LRP1B: variants seen among roughly 807,000 people sequenced by gnomAD.
LRP1B encodes low-density lipoprotein receptor-related protein 1B.
LRP1B carries 217 observed loss-of-function variants against 556.6 expected under a neutral mutation model. That is an observed-to-expected ratio of 0.39 (90% CI 0.35 to 0.44). The LOEUF (loss-of-function observed/expected upper bound fraction) is 0.44, where lower values mean the gene tolerates loss of function less well. Among genes scored for constraint, LRP1B ranks in the 20% least tolerant of loss-of-function variants. The probability of loss-of-function intolerance (pLI) is 1.00; values close to 1 mark genes in which losing one functional copy is unlikely to be tolerated. For synonymous variants in LRP1B, 2,047 were observed against 1,865.8 expected, an observed-to-expected ratio of 1.10 and a Z score of -2.50; for missense variants, 5,053 against 5,620.8, an observed-to-expected ratio of 0.90 and a Z score of 3.23.
chr2:140,817,621 A>C (rs1691170330), intron 31 of LRP1B, among the ~76,000 whole-genome samples: 1 of 151,986 alleles, frequency 6.6e-6, no homozygotes, highest in East Asian at 1.9e-4. Context: ...AAATAATGTA[A>C]TTTACCTACA....
chr2:140,827,557 A>T (rs1691552029), intron 31 of LRP1B, among the ~76,000 whole-genome samples: 1 of 152,032 alleles, frequency 6.6e-6, no homozygotes, highest in Non-Finnish European at 1.5e-5. Context: ...CTATCAGAAA[A>T]CATACAGTAA....
chr2:141,253,345 G>T (rs1390068769), intron 4 of LRP1B, among the ~76,000 whole-genome samples: 1 of 152,144 alleles, frequency 6.6e-6, no homozygotes, highest in Non-Finnish European at 1.5e-5. Flanking sequence ...AAATAAATAT[G>T]AGAGTTTGGC....
chr2:141,949,820 A>G lies in LRP1B; in HGVS notation c.83-139419T>C, dbSNP rs72986541. Among the ~76,000 whole-genome samples, 865 of 152,224 alleles carry G rather than the reference A, an allele frequency of 5.7e-3. 8 individuals carry two copies. The highest frequency in any genetic ancestry group is 0.02 in the African/African-American group (820 of 41,588). ...ATTTTACACTTCTTTGCTCTGTTCT[A>G]TCTTTCAAGTTCTCTAATAAAGATA... On this transcript the variant is annotated intron_variant, in intron 1 of 90. Coordinates refer to ENST00000389484, the MANE Select transcript of LRP1B (RefSeq NM_018557.3).
intron 1 of LRP1B, among the ~76,000 whole-genome samples, chr2:141,846,646 A>G (rs1422751579): frequency 6.6e-6 from 1 of 151,516 alleles, no homozygotes; most frequent in Non-Finnish European, 1.5e-5. Flanking sequence ...TTTAAAACCA[A>G]TATAGTGTGA....
chr2:140,535,160 C>T (rs2104998033), intron 46 of LRP1B, among the ~76,000 whole-genome samples: 1 of 152,206 alleles, frequency 6.6e-6, no homozygotes, highest in East Asian at 1.9e-4. Context: ...CAAAACCTAA[C>T]ATATTTACCA....
At chr2:140,585,274 A>G (rs967772056) in intron 43 of LRP1B, among the ~76,000 whole-genome samples, 1 of 152,102 alleles carries the variant, frequency 6.6e-6, no homozygotes, top group African/African-American at 2.4e-5. Flanking sequence ...ATAAACTATT[A>G]GTCATATTCT....
In LRP1B at chr2:141,722,729, CATAGATAGATAGATAG is replaced by C. The variant is rs58081113; in HGVS notation, c.205+87534_205+87549del. Among the ~76,000 whole-genome samples, 710 of 146,090 alleles carry C rather than the reference CATAGATAGATAGATAG, an allele frequency of 4.9e-3. 3 individuals carry two copies. Among genetic ancestry groups the C allele is most frequent in the Non-Finnish European group, 7.4e-3 (496 of 66,640 alleles). On this transcript the variant is annotated intron_variant, in intron 2 of 90. Transcript: ENST00000389484. The stretch of plus-strand genomic sequence containing the variant: ...AGACAGATAGACAGGCAGATAGATA[CATAGATAGATAGATAG>C]ATAGATAGATAGATAGATAGATAGA...
intron 5 of LRP1B, among the ~76,000 whole-genome samples, chr2:141,231,683 C>G (rs1313027970): frequency 1.4e-5 from 2 of 140,080 alleles, no homozygotes; most frequent in Admixed American, 8.0e-5. Context: ...TTATTGCTAT[C>G]GTGTGCACCT....
intron 2 of LRP1B, among the ~76,000 whole-genome samples, chr2:141,690,991 C>A (rs930789990): frequency 6.6e-6 from 1 of 151,732 alleles, no homozygotes; most frequent in Non-Finnish European, 1.5e-5. Flanking sequence ...AATTTAATTT[C>A]TTCGGGGGAA....
At chr2:141,397,855 A>G (rs1690299885) in intron 3 of LRP1B, among the ~76,000 whole-genome samples, 1 of 151,026 alleles carries the variant, frequency 6.6e-6, no homozygotes, top group African/African-American at 2.4e-5. Context: ...CATTTTATAT[A>G]TATACATTTA....
At chr2:141,001,359 T>C (rs983572769) in intron 15 of LRP1B, among the ~76,000 whole-genome samples, 11 of 152,034 alleles carry the variant, frequency 7.2e-5, no homozygotes, top group African/African-American at 2.4e-4. Flanking sequence ...CTAGGGTACA[T>C]GTGCACAACG....
At chr2:141,649,037 T>A (rs930100800) in intron 2 of LRP1B, among the ~76,000 whole-genome samples, 7 of 152,180 alleles carry the variant, frequency 4.6e-5, no homozygotes, top group African/African-American at 1.7e-4. Context: ...CCTCCAGATG[T>A]GATAATTAAT....
At chr2:141,648,101 A>T (rs1689647275) in intron 2 of LRP1B, among the ~76,000 whole-genome samples, 1 of 152,062 alleles carries the variant, frequency 6.6e-6, no homozygotes, top group Non-Finnish European at 1.5e-5. Flanking sequence ...AGGAAAAAAA[A>T]AATTGTGGAG....
intron 1 of LRP1B, among the ~76,000 whole-genome samples, chr2:141,960,374 T>C (rs1701367424): frequency 6.6e-6 from 1 of 151,912 alleles, no homozygotes; most frequent in Non-Finnish European, 1.5e-5. Context: ...CATTCCATTT[T>C]GCTTTCACTT....
At chr2:141,197,556 A>T (rs1681808441) in intron 6 of LRP1B, among the ~76,000 whole-genome samples, 1 of 152,094 alleles carries the variant, frequency 6.6e-6, no homozygotes, top group Non-Finnish European at 1.5e-5. Flanking sequence ...TACTTGTTTC[A>T]TCTGCAGTGT....
At chr2:141,353,211 T>C (rs1361916008) in intron 3 of LRP1B, among the ~76,000 whole-genome samples, 4 of 151,872 alleles carry the variant, frequency 2.6e-5, no homozygotes, top group African/African-American at 9.7e-5. Context: ...TGGGCAGAAG[T>C]GATATGCAGT....
At chr2:140,859,676 C>T (rs1395477866) in intron 27 of LRP1B, among the ~76,000 whole-genome samples, 1 of 152,060 alleles carries the variant, frequency 6.6e-6, no homozygotes, top group Non-Finnish European at 1.5e-5. Context: ...ATTTATTCCT[C>T]TTAATGGTAA....
At position 140,834,412 on chromosome 2, in the gene LRP1B, G is replaced by C. The variant is rs535106116; in HGVS notation, c.5209+5579C>G. 2.0e-5 allele frequency among the ~76,000 whole-genome samples: 3 copies of C among 152,150 alleles called. No homozygotes were observed. The East Asian group carries it at 5.8e-4, about 29-fold the overall frequency. ...ATGCCATCATTCCCAGCTAATTTTT[G>C]TATTTTCAGTAGAGACGAGGTTTCA... On this transcript the variant is annotated intron_variant, in intron 31 of 90. Coordinates refer to ENST00000389484, the MANE Select transcript of LRP1B (RefSeq NM_018557.3).
At chr2:141,791,970 C>T (rs538572891) in intron 2 of LRP1B, among the ~76,000 whole-genome samples, 6 of 151,916 alleles carry the variant, frequency 3.9e-5, no homozygotes, top group South Asian at 2.1e-4. Context: ...CCATTAACTT[C>T]GGTAAGTGCA....
Sources: gnomAD v4.1 joint callset for allele counts (sites outside exome capture counted in the v4.1 genomes callset) on GRCh38, gnomAD v4.1.1 for gene constraint, MANE v1.5 for transcripts, NCBI Gene and HGNC (gene_info 2026-07-23, HGNC 2026-07-21) for gene names.